Variants in THSD7A observed in about 807,000 individuals in gnomAD.
THSD7A encodes thrombospondin type 1 domain containing 7A.
In THSD7A, 96 loss-of-function variants were observed where a neutral mutation model predicts 231.3. The observed-to-expected ratio is 0.41, with a 90% CI of 0.35 to 0.49. The LOEUF is 0.49. Ranked by LOEUF, THSD7A falls within the 20% of genes least tolerant of loss-of-function variation. THSD7A has a pLI of 0.05. For missense variants in THSD7A, 2,290 were observed against 2,070.2 expected (o/e 1.11, Z -2.06); for synonymous variants, 940 against 743.3 (o/e 1.26, Z -4.30).
Position 11,801,291 on chromosome 7 carries a change from C to T in THSD7A, c.190+30466G>A, listed in dbSNP as rs972265734. ...TGCCTCATAATTTCCTTCCTTCCTT[C>T]CTTTCTTCCTGTCTTTCTCTCTCTC... On this transcript the variant is annotated intron_variant, in intron 1 of 27. Transcript: ENST00000423059. 1.6e-4 allele frequency among the ~76,000 whole-genome samples: 24 copies of T among 152,144 alleles called. 1 individual carries two copies. The highest frequency in any genetic ancestry group is 3.4e-4 in the Non-Finnish European group (23 of 68,022).
At chr7:11,422,677 G>A (rs1784189684) in intron 16 of THSD7A, among the ~76,000 whole-genome samples, 2 of 151,420 alleles carry the variant, frequency 1.3e-5, no homozygotes, top group Non-Finnish European at 2.9e-5. Flanking sequence ...GGTTTGAGAT[G>A]GAGTCTCGCT....
At chr7:11,538,814 T>A (rs950883950) in intron 6 of THSD7A, among the ~76,000 whole-genome samples, 2 of 151,998 alleles carry the variant, frequency 1.3e-5, no homozygotes, top group African/African-American at 4.8e-5. Flanking sequence ...CTTACAACCC[T>A]CCCCAAGCCT....
rs566567727 is a variant in THSD7A at position 11,408,229 on chromosome 7, C to A, written c.3799-806G>T. ...TAGTATTGAAATAGGAAAATGTTGGCCGGGTGCGGTGGCTCATGCCTGTAA... is the reference window on the plus strand; with the variant it reads ...TAGTATTGAAATAGGAAAATGTTGGACGGGTGCGGTGGCTCATGCCTGTAA... On this transcript the variant is annotated intron_variant, in intron 19 of 27. Transcript: ENST00000423059. Among the ~76,000 whole-genome samples, 3 of 152,212 alleles carry A rather than the reference C, an allele frequency of 2.0e-5. No individual in the cohort carries two copies. In the East Asian group the frequency reaches 5.8e-4, roughly 29 times the overall value.
intron 7 of THSD7A, among the ~76,000 whole-genome samples, chr7:11,477,346 A>T (rs1260472843): frequency 6.6e-6 from 1 of 152,086 alleles, no homozygotes; most frequent in Non-Finnish European, 1.5e-5. Context: ...TGCATCTTTG[A>T]TAGAGTTATT....
At chr7:11,475,337 G>C (rs1786115035) in intron 7 of THSD7A, among the ~76,000 whole-genome samples, 1 of 152,056 alleles carries the variant, frequency 6.6e-6, no homozygotes, top group Non-Finnish European at 1.5e-5. Context: ...AATTGGAACA[G>C]CATTAGCTGT....
intron 19 of THSD7A, among the ~76,000 whole-genome samples, chr7:11,409,173 C>T (rs1783691913): frequency 6.6e-6 from 1 of 152,054 alleles, no homozygotes; most frequent in African/African-American, 2.4e-5. Flanking sequence ...ACTAGGTATC[C>T]AATGAGTAAA....
chr7:11,695,821 T>C (rs1276739267), intron 1 of THSD7A, among the ~76,000 whole-genome samples: 1 of 151,332 alleles, frequency 6.6e-6, no homozygotes, highest in East Asian at 2.0e-4. Flanking sequence ...TTCAATTTGG[T>C]GAGGTAACAT....
At position 11,665,684 on chromosome 7, in the gene THSD7A, C is replaced by T. The variant is rs528908599; in HGVS notation, c.191-28723G>A. Reference sequence around the variant, plus strand: ...CTGTGAGGCACAGTGGATAAAAGCACGGTCTTGGACAAAGATTGGAGTCTG... The same window carrying T: ...CTGTGAGGCACAGTGGATAAAAGCATGGTCTTGGACAAAGATTGGAGTCTG... On this transcript the variant is annotated intron_variant, in intron 1 of 27. Transcript: ENST00000423059. 2.0e-5 allele frequency among the ~76,000 whole-genome samples: 3 copies of T among 152,158 alleles called. No individual in the cohort carries two copies. The East Asian group carries it at 5.8e-4, about 30-fold the overall frequency.
intron 2 of THSD7A, among the ~76,000 whole-genome samples, chr7:11,621,851 G>A (rs1422992502): frequency 5.9e-5 from 9 of 152,106 alleles, no homozygotes; most frequent in Admixed American, 5.9e-4. Flanking sequence ...AATACTCAAT[G>A]GCCTGGCTGT....
rs1451386279 is a variant in THSD7A at position 11,814,696 on chromosome 7, G to A, written c.190+17061C>T. ...AACTAAAGAAATTACATTAAATATT[G>A]CAGTAAGAGACAGGGAGAGAAATGT... On this transcript the variant is annotated intron_variant, in intron 1 of 27. Coordinates refer to ENST00000423059, the MANE Select transcript of THSD7A (RefSeq NM_015204.3). The surrounding 1 kb of genome is among the most constrained non-coding windows in gnomAD (Gnocchi z 5.1). Among the ~76,000 whole-genome samples, 12 of 152,106 alleles carry A rather than the reference G, an allele frequency of 7.9e-5. No homozygotes were observed. The highest frequency in any genetic ancestry group is 2.6e-4 in the Admixed American group (4 of 15,272).
chr7:11,764,557 G>A (rs1328011170), intron 1 of THSD7A, among the ~76,000 whole-genome samples: 2 of 131,978 alleles, frequency 1.5e-5, no homozygotes, highest in Non-Finnish European at 3.1e-5. Context: ...GTGAAAGAAC[G>A]AGACTCCGTC....
At chr7:11,460,062 A>C (rs941046818) in intron 11 of THSD7A, among the ~76,000 whole-genome samples, 1 of 152,080 alleles carries the variant, frequency 6.6e-6, no homozygotes, top group Non-Finnish European at 1.5e-5. Flanking sequence ...GTAAATAATT[A>C]TGGCAAAGTT....
intron 6 of THSD7A, among the ~76,000 whole-genome samples, chr7:11,488,801 T>G (rs1786769498): frequency 6.6e-6 from 1 of 152,130 alleles, no homozygotes; most frequent in Non-Finnish European, 1.5e-5. Context: ...TTGCCTCACG[T>G]TTTCTCTACA....
intron 1 of THSD7A, among the ~76,000 whole-genome samples, chr7:11,829,519 A>C (rs1785128747): frequency 1.3e-5 from 2 of 152,118 alleles, no homozygotes; most frequent in Admixed American, 6.6e-5. Context: ...CTTTCACTAC[A>C]TCATTTTAAT....
At chr7:11,680,766 G>A (rs115864657) in intron 1 of THSD7A, among the ~76,000 whole-genome samples, 1 of 152,096 alleles carries the variant, frequency 6.6e-6, no homozygotes, top group Non-Finnish European at 1.5e-5. Flanking sequence ...GTGTAAATTA[G>A]CTCAACCATT....
At chr7:11,470,944 T>G (rs1422886548) in intron 8 of THSD7A, among the ~76,000 whole-genome samples, 2 of 151,938 alleles carry the variant, frequency 1.3e-5, no homozygotes, top group Non-Finnish European at 2.9e-5. Context: ...ATATACTGTC[T>G]TATTCAAAAT....
rs1303490836 is a variant in THSD7A, at chr7:11,474,627, C to T, written c.2018-59G>A. 2.9e-6 allele frequency: 4 copies of T among 1,372,444 alleles called. No homozygotes were observed. Among genetic ancestry groups the T allele is most frequent in the East Asian group, 4.7e-5 (2 of 42,152 alleles). 85.0% of individuals were successfully genotyped at this position (1,372,444 alleles called of 1,614,324 possible). A position where few individuals can be genotyped will look rare whatever the true frequency, so the allele number is the denominator to read the frequency against. ...CGGTGCCAACAGGAACCTTACCATACTCTGTTCTTTGGAATTAACATGGCT... is the reference window on the plus strand; with the variant it reads ...CGGTGCCAACAGGAACCTTACCATATTCTGTTCTTTGGAATTAACATGGCT... On this transcript the variant is annotated intron_variant, in intron 7 of 27. Coordinates refer to ENST00000423059, the MANE Select transcript of THSD7A (RefSeq NM_015204.3). This position sits in a 1 kb window ranked among gnomAD's most constrained non-coding sequence, Gnocchi z 4.1.
At chr7:11,381,493 CT>C (rs1306477055) in intron 24 of THSD7A, among the ~76,000 whole-genome samples, 3 of 152,234 alleles carry the variant, frequency 2.0e-5, no homozygotes, top group Admixed American at 1.3e-4. Flanking sequence ...ATCCTTGCTC[CT>C]GTTTCTTACT....
intron 1 of THSD7A, among the ~76,000 whole-genome samples, chr7:11,725,439 T>C (rs930982473): frequency 3.3e-5 from 5 of 151,948 alleles, no homozygotes; most frequent in African/African-American, 1.2e-4. Context: ...AAGACATACC[T>C]ATCTTGTTTG....
Sources: allele counts gnomAD v4.1 joint callset (sites outside exome capture counted in the v4.1 genomes callset), GRCh38; gene constraint gnomAD v4.1.1; non-coding constraint Gnocchi (gnomAD v3.1); transcripts MANE v1.5; gene names NCBI Gene and HGNC (gene_info 2026-07-23, HGNC 2026-07-21).